ATP6V0A4: variants seen among roughly 807,000 people sequenced by gnomAD.
ATP6V0A4 encodes V-type proton ATPase 116 kDa subunit a 4.
A neutral mutation model predicts 107.3 loss-of-function variants in ATP6V0A4; 86 were observed. That is an observed-to-expected ratio of 0.80 (90% CI 0.67 to 0.96). The LOEUF (loss-of-function observed/expected upper bound fraction) is 0.96, where lower values mean the gene tolerates loss of function less well. Ranked by LOEUF, ATP6V0A4 falls within the 40% of genes least tolerant of loss-of-function variation. The pLI, the probability that ATP6V0A4 is intolerant of heterozygous loss-of-function variation, is 0.00. For synonymous variants in ATP6V0A4, 353 were observed against 381.4 expected (o/e 0.93, Z 0.87); for missense variants, 908 against 1,045.6 (o/e 0.87, Z 1.81).
At chr7:138,720,024 C>CA (rs35453846) in intron 19 of ATP6V0A4, among the ~76,000 whole-genome samples, 24,450 of 135,368 alleles carry the variant, frequency 0.18, 2,386 homozygotes, top group African/African-American at 0.3. Context: ...GACTCTGTCT[C>CA]AAAAAAAAAA....
In ATP6V0A4 at chr7:138,742,900, C is replaced by CAAAAAAA. The variant is rs563017805; in HGVS notation, c.1478+2216_1478+2222dup. 6.8e-5 allele frequency among the ~76,000 whole-genome samples: 9 copies of CAAAAAAA among 131,680 alleles called. 1 individual carries two copies. Among genetic ancestry groups the CAAAAAAA allele is most frequent in the South Asian group, 2.5e-4 (1 of 4,076 alleles). 86.4% of individuals were successfully genotyped at this position (131,680 alleles called of 152,430 possible). ...TCTCTTTAGAATACTAATTGCAAAG[C>CAAAAAAA]AAAAAAAAAAAAAAATCACAGATAT... is the stretch of plus-strand genomic sequence containing the variant. On this transcript the variant is annotated intron_variant, in intron 14 of 21. Coordinates refer to ENST00000310018, the MANE Select transcript of ATP6V0A4 (RefSeq NM_020632.3).
At position 138,770,066 on chromosome 7, in the gene ATP6V0A4, A is replaced by C. The variant is rs193065655; in HGVS notation, c.118-815T>G. Among the ~76,000 whole-genome samples, 828 of 152,104 alleles carry C rather than the reference A, an allele frequency of 5.4e-3. 8 individuals are homozygous for C. The highest frequency in any genetic ancestry group is 0.019 in the African/African-American group (779 of 41,388). On this transcript the variant is annotated intron_variant, in intron 3 of 21. Coordinates refer to ENST00000310018, the MANE Select transcript of ATP6V0A4 (RefSeq NM_020632.3). ...ACCCTGTCTCAAACAACAACAACAA[A>C]AAAAATTGGACTTAATCAAAATTTA...
chr7:138,748,645 G>A (rs1325795914), intron 12 of ATP6V0A4, among the ~76,000 whole-genome samples: 5 of 151,996 alleles, frequency 3.3e-5, no homozygotes, highest in Admixed American at 2.0e-4. Context: ...GACCTCAAGC[G>A]ATCCACCTCC....
intron 1 of ATP6V0A4, among the ~76,000 whole-genome samples, chr7:138,797,442 T>C (rs1267573741): frequency 2.0e-5 from 3 of 151,910 alleles, no homozygotes; most frequent in Non-Finnish European, 4.4e-5. Context: ...GGTCTTGAAC[T>C]CCTGACTTCA....
intron 17 of ATP6V0A4, chr7:138,729,073 G>A (rs1221782472): frequency 1.7e-6 from 1 of 572,286 alleles, no homozygotes; most frequent in Non-Finnish European, 2.2e-6. Context: ...TCGACACGGG[G>A]TAGACACTGG....
chr7:138,718,154 GGA>G (rs1491221750), intron 19 of ATP6V0A4, among the ~76,000 whole-genome samples: 26 of 91,208 alleles, frequency 2.9e-4, no homozygotes, highest in South Asian at 9.4e-4. Flanking sequence ...AAGGAAGGGG[GGA>G]TGCAGTCACG....
chr7:138,786,442 C>T (rs1316718713), intron 1 of ATP6V0A4, among the ~76,000 whole-genome samples, 182 bp from the exon 2 acceptor site: 1 of 151,496 alleles, frequency 6.6e-6, no homozygotes, highest in East Asian at 2.0e-4. Flanking sequence ...AGCTGGCCTT[C>T]GTGGCATGCA....
At chr7:138,712,976 A>G (rs1318061002) in intron 20 of ATP6V0A4, among the ~76,000 whole-genome samples, 1 of 152,090 alleles carries the variant, frequency 6.6e-6, no homozygotes, top group Non-Finnish European at 1.5e-5. Context: ...ACTTCACATG[A>G]ATGCACAGCA....
intron 1 of ATP6V0A4, among the ~76,000 whole-genome samples, chr7:138,790,144 T>C (rs1250247278): frequency 6.6e-6 from 1 of 152,124 alleles, no homozygotes; most frequent in Non-Finnish European, 1.5e-5. Flanking sequence ...GAGGATTCAT[T>C]CCAAACATTT....
chr7:138,776,855 T>C (rs1212070254), intron 2 of ATP6V0A4, among the ~76,000 whole-genome samples: 1 of 152,032 alleles, frequency 6.6e-6, no homozygotes, highest in Admixed American at 6.6e-5. Context: ...ACTTAGAAAG[T>C]GGAAGTATAG....
rs1224212346 is a variant in ATP6V0A4, at chr7:138,747,303, CT to C, written c.1320+121del. ...CCAGAAGTTTTAGGTTAATTTGGCTCTTTTTTACTTTCCTTCTCTCCTTTAT... is the reference window on the plus strand; with the variant it reads ...CCAGAAGTTTTAGGTTAATTTGGCTCTTTTTACTTTCCTTCTCTCCTTTAT... On this transcript the variant is annotated intron_variant, in intron 13 of 21. Transcript: ENST00000310018. The C allele has an allele frequency of 7.7e-6, 10 of 1,303,866 alleles. No homozygotes were observed. In the African/African-American group the frequency reaches 1.2e-4, roughly 15 times the overall value. The allele number at this position is 1,303,866 out of a possible 1,614,324, so 80.8% of individuals were successfully genotyped here.
rs1468535245 is a variant in ATP6V0A4 at position 138,756,446 on chromosome 7, A to C, written c.722+12T>G. On this transcript the variant is annotated intron_variant, in intron 9 of 21. Transcript: ENST00000310018. ...CAAATCACTGAAGAAAGAGCCATTCACTCCCTCTTACCCATCACAGATCTT... is the reference window on the plus strand; with the variant it reads ...CAAATCACTGAAGAAAGAGCCATTCCCTCCCTCTTACCCATCACAGATCTT... The C allele has an allele frequency of 2.5e-6, 4 of 1,612,780 alleles. No homozygotes were observed. The highest frequency in any genetic ancestry group is 3.4e-6 in the Non-Finnish European group (4 of 1,179,822).
intron 11 of ATP6V0A4, among the ~76,000 whole-genome samples, chr7:138,750,630 C>T (rs913548478): frequency 3.3e-5 from 5 of 152,238 alleles, no homozygotes; most frequent in Admixed American, 1.3e-4. Flanking sequence ...CGAGTGCTCA[C>T]GGTCCCAGCT....
intron 2 of ATP6V0A4, among the ~76,000 whole-genome samples, chr7:138,781,180 C>T (rs780209172): frequency 6.6e-6 from 1 of 152,206 alleles, no homozygotes; most frequent in Non-Finnish European, 1.5e-5. Flanking sequence ...TGAGGTAGGA[C>T]CGTGAAGGTG....
chr7:138,724,147 G>A (rs184517861), intron 18 of ATP6V0A4, among the ~76,000 whole-genome samples: 258 of 137,906 alleles, frequency 1.9e-3, no homozygotes, highest in African/African-American at 6.4e-3. Flanking sequence ...CAGTGTTTGC[G>A]CCACTGCACT....
intron 8 of ATP6V0A4, among the ~76,000 whole-genome samples, chr7:138,757,260 A>G (rs1806556202): frequency 6.6e-6 from 1 of 152,226 alleles, no homozygotes; most frequent in Non-Finnish European, 1.5e-5. Context: ...TCACACCTGT[A>G]ATCCCAGCAC....
At chr7:138,715,644 T>A in intron 20 of ATP6V0A4, 120 bp downstream of exon 20, 1 of 1,403,930 alleles carries the variant, frequency 7.1e-7, no homozygotes, top group Admixed American at 1.7e-5. Flanking sequence ...AGAAGAGTCA[T>A]TCTTTTGGCA....
chr7:138,715,743 C>T, intron 20 of ATP6V0A4, 21 bp downstream of exon 20: 2 of 1,609,074 alleles, frequency 1.2e-6, no homozygotes, highest in Non-Finnish European at 8.5e-7. Context: ...TGACTGTCCC[C>T]CCGATGGGCT....
chr7:138,717,928 A>G (rs1804135075), intron 19 of ATP6V0A4, among the ~76,000 whole-genome samples: 1 of 149,390 alleles, frequency 6.7e-6, no homozygotes, highest in South Asian at 2.1e-4. Flanking sequence ...AAAAAAAAAA[A>G]AAGAGTGAGA....
Sources: allele counts gnomAD v4.1 joint callset (sites outside exome capture counted in the v4.1 genomes callset), GRCh38; gene constraint gnomAD v4.1.1; transcripts MANE v1.5; gene names NCBI Gene and HGNC (gene_info 2026-07-23, HGNC 2026-07-21).